The following CRTC3 variants were observed in gnomAD, a reference collection of about 807,000 sequenced individuals.
CRTC3 encodes the protein CREB-regulated transcription coactivator 3.
CRTC3 carries 26 observed loss-of-function variants against 74.5 expected under a neutral mutation model. The observed-to-expected ratio is 0.35, with a 90% CI of 0.26 to 0.48. The LOEUF (loss-of-function observed/expected upper bound fraction) is 0.48, where lower values mean the gene tolerates loss of function less well. Ranked by LOEUF, CRTC3 falls within the 20% of genes least tolerant of loss-of-function variation. The probability of loss-of-function intolerance (pLI) is 0.99; values close to 1 mark genes in which losing one functional copy is unlikely to be tolerated. For missense variants in CRTC3, 760 were observed against 787.3 expected (o/e 0.97, Z 0.41); for synonymous variants, 377 against 325.8 (o/e 1.16, Z -1.69).
chr15:90,599,678 G>A (rs1968017914), intron 3 of CRTC3: 1 of 152,014 alleles, frequency 6.6e-6, no homozygotes, highest in Admixed American at 6.6e-5. Context: ...AAATTTCCAG[G>A]AATTTACTAT....
chr15:90,580,674 C>T (rs547416697), intron 2 of CRTC3, among the ~76,000 whole-genome samples: 18 of 152,202 alleles, frequency 1.2e-4, no homozygotes, highest in African/African-American at 4.3e-4. Context: ...GTGATCCACC[C>T]GTCTCAGCCT....
intron 2 of CRTC3, among the ~76,000 whole-genome samples, chr15:90,544,959 A>G (rs560005395): frequency 6.6e-6 from 1 of 152,320 alleles, no homozygotes; most frequent in South Asian, 2.1e-4. Context: ...GAATTTTTTC[A>G]TCTGACAAAA....
intron 2 of CRTC3, among the ~76,000 whole-genome samples, chr15:90,576,605 A>T (rs1223583903): frequency 6.6e-6 from 1 of 152,070 alleles, no homozygotes; most frequent in Non-Finnish European, 1.5e-5. Context: ...GCACTAAAGG[A>T]TGGTCAGGAA....
At position 90,637,104 on chromosome 15, in the gene CRTC3, CAT is replaced by C. The variant is rs1427169880; in HGVS notation, c.1267-1339_1267-1338del. Among the ~76,000 whole-genome samples the C allele has an allele frequency of 6.6e-5, 10 of 152,206 alleles. No individual in the cohort carries two copies. In the East Asian group the frequency reaches 7.7e-4, roughly 12 times the overall value. Reference sequence around the variant, plus strand: ...ATGCTGCTATAAAAACACATGCACACATATGTTTATTGCAGCACTATTCACAA... The same window carrying C: ...ATGCTGCTATAAAAACACATGCACACATGTTTATTGCAGCACTATTCACAA... On this transcript the variant is annotated intron_variant, in intron 11 of 14. Coordinates refer to ENST00000268184, the MANE Select transcript of CRTC3 (RefSeq NM_022769.5).
At chr15:90,603,238 T>G (rs1968125254) in intron 4 of CRTC3, among the ~76,000 whole-genome samples, 1 of 150,698 alleles carries the variant, frequency 6.6e-6, no homozygotes, top group Non-Finnish European at 1.5e-5. Flanking sequence ...GCTCAGGAGA[T>G]CGAGACCATC....
Position 90,629,370 on chromosome 15 carries a change from C to G in CRTC3, c.1104C>G (p.Ser368=). 6.2e-7 allele frequency: 1 copy of G among 1,614,100 alleles called. No homozygotes were observed. Among genetic ancestry groups the G allele is most frequent in the Non-Finnish European group, 8.5e-7 (1 of 1,180,020 alleles). ...TTCACCCTTCGCTCCGTCTGTTTTC[C>G]CTTAGCAACCCATCTCTTTCCACCA... is the stretch of plus-strand genomic sequence containing the variant. The part of the protein sequence containing the change: ...SALHPSLRLF[S]LSNPSLSTTN... Residue 368 remains serine (S), a synonymous_variant, in exon 11 of 15, where the codon TCC becomes TCG. Coordinates refer to ENST00000268184, the MANE Select transcript of CRTC3 (RefSeq NM_022769.5).
At chr15:90,598,957 T>A (rs1968001656) in intron 3 of CRTC3, 1 of 177,568 alleles carries the variant, frequency 5.6e-6, no homozygotes, top group Non-Finnish European at 1.2e-5. Context: ...CTGCTCACAC[T>A]CTGCCTGGTG....
At position 90,638,602 on chromosome 15, in the gene CRTC3, G is replaced by A. The variant is rs554935531; in HGVS notation, c.1423G>A (p.Ala475Thr). Residue 475 changes from alanine to threonine, a missense_variant, in exon 12 of 15, where the codon GCC (alanine) becomes ACC (threonine). Around this residue, in one of 2 missense-constraint regions of CRTC3, gnomAD observed 652 missense variants for 635.2 expected, o/e 1.03. Transcript: ENST00000268184. ...PEAPAQQPQA[A>T]SSLPQSDFQL... ...GGCCCCTGCCCAGCAGCCCCAGGCA[G>A]CCTCCTCACTGCCACAGTCAGACTT... The A allele has an allele frequency of 6.8e-6, 11 of 1,613,142 alleles. No individual in the cohort carries two copies. The highest frequency in any genetic ancestry group is 2.7e-5 in the African/African-American group (2 of 75,048).
At chr15:90,580,427 T>C (rs1967510627) in intron 2 of CRTC3, among the ~76,000 whole-genome samples, 6 of 140,336 alleles carry the variant, frequency 4.3e-5, no homozygotes, top group South Asian at 4.5e-4. Flanking sequence ...CTTCTTCTTC[T>C]TTTTTTTTTT....
At position 90,642,048 on chromosome 15, in the gene CRTC3, C is replaced by T. The variant is rs1352069847; in HGVS notation, c.1768C>T (p.Leu590=). ...GGAAGAGGAGCTGCAGATTGAACCCCTGAGCCTGGACGGACTCAACATGTT... is the reference window on the plus strand; with the variant it reads ...GGAAGAGGAGCTGCAGATTGAACCCTTGAGCCTGGACGGACTCAACATGTT... The part of the protein sequence containing the change: ...PLEEELQIEP[L]SLDGLNMLSD... Residue 590 remains leucine, a synonymous_variant, in exon 15 of 15, where the codon CTG becomes TTG. Coordinates refer to ENST00000268184, the MANE Select transcript of CRTC3 (RefSeq NM_022769.5). 4.3e-6 allele frequency: 7 copies of T among 1,614,040 alleles called. No individual in the cohort carries two copies. Among genetic ancestry groups the T allele is most frequent in the Non-Finnish European group, 5.9e-6 (7 of 1,180,030 alleles).
intron 8 of CRTC3, 159 bp downstream of exon 8, chr15:90,618,127 G>T: frequency 7.9e-6 from 3 of 378,810 alleles, no homozygotes; most frequent in Non-Finnish European, 9.8e-6. Flanking sequence ...GACGTTTCAA[G>T]TAAAAATTAT....
intron 2 of CRTC3, among the ~76,000 whole-genome samples, chr15:90,576,822 G>A (rs1348162496): frequency 2.6e-5 from 4 of 152,084 alleles, no homozygotes; most frequent in South Asian, 4.1e-4. Flanking sequence ...GGGAAATTTC[G>A]GTGGAGCAGA....
At chr15:90,632,327 T>C (rs752391017) in intron 11 of CRTC3, among the ~76,000 whole-genome samples, 8 of 152,096 alleles carry the variant, frequency 5.3e-5, no homozygotes, top group Non-Finnish European at 8.8e-5. Flanking sequence ...CTGGACACAG[T>C]TGTTCTGACT....
At position 90,534,160 on chromosome 15, in the gene CRTC3, G is replaced by A. The variant is rs138015331; in HGVS notation, c.132+3957G>A. ...AGTGGCATTTACTAAGATGGTGGCA[G>A]TCGGGAGGCAGAGCGGTGAGCAGAT... On this transcript the variant is annotated intron_variant, in intron 1 of 14. Transcript: ENST00000268184. Among the ~76,000 whole-genome samples, 14 of 152,296 alleles carry A rather than the reference G, an allele frequency of 9.2e-5. No homozygotes were observed. In the East Asian group the frequency reaches 2.5e-3, roughly 27 times the overall value.
Position 90,573,876 on chromosome 15 carries a change from G to A in CRTC3, c.232-19760G>A, listed in dbSNP as rs147590110. On this transcript the variant is annotated intron_variant, in intron 2 of 14. Transcript: ENST00000268184. Reference sequence around the variant, plus strand: ...CCACAGGTGCAACCACTGTTGTCACGTTTATTTATTCCTTCAGGAATATTT... The same window carrying A: ...CCACAGGTGCAACCACTGTTGTCACATTTATTTATTCCTTCAGGAATATTT... Among the ~76,000 whole-genome samples, 154 of 152,288 alleles carry A rather than the reference G, an allele frequency of 1.0e-3. 1 individual carries two copies. The highest frequency in any genetic ancestry group is 3.5e-3 in the African/African-American group (147 of 41,558).
At chr15:90,546,199 T>C (rs561779369) in intron 2 of CRTC3, among the ~76,000 whole-genome samples, 20 of 152,314 alleles carry the variant, frequency 1.3e-4, no homozygotes, top group African/African-American at 4.6e-4. Flanking sequence ...CTTAAGTAAA[T>C]TATGAGTTAA....
chr15:90,631,885 C>T (rs1332565461), intron 11 of CRTC3, among the ~76,000 whole-genome samples: 1 of 151,930 alleles, frequency 6.6e-6, no homozygotes, highest in East Asian at 1.9e-4. Context: ...AGGCATGAGC[C>T]ACTGTGCCCT....
intron 2 of CRTC3, among the ~76,000 whole-genome samples, chr15:90,591,644 T>G (rs1414836187): frequency 6.6e-6 from 1 of 152,142 alleles, no homozygotes; most frequent in Non-Finnish European, 1.5e-5. Flanking sequence ...TGGCGAGACC[T>G]TGTCTCTACA....
intron 2 of CRTC3, among the ~76,000 whole-genome samples, chr15:90,586,398 G>A (rs113846303): frequency 0.1 from 12,948 of 124,360 alleles, 683 homozygotes; most frequent in Middle Eastern, 0.2. Flanking sequence ...ATGGAGTCTC[G>A]CTTTGTCGTC....
Sources: allele counts gnomAD v4.1 joint callset (sites outside exome capture counted in the v4.1 genomes callset), GRCh38; gene constraint gnomAD v4.1.1; regional missense constraint gnomAD v4.1.1; transcripts MANE v1.5; gene names NCBI Gene and HGNC (gene_info 2026-07-23, HGNC 2026-07-21).